Variants in NHLRC2 observed in about 807,000 individuals in gnomAD.
NHLRC2 encodes the protein NHL repeat containing 2, also known as NHL repeat-containing protein 2.
A neutral mutation model predicts 68.1 loss-of-function variants in NHLRC2; 33 were observed. The ratio of observed to expected loss-of-function variants is 0.48; its 90% CI spans 0.37 to 0.65. The LOEUF is 0.65. Among genes scored for constraint, NHLRC2 ranks in the 30% least tolerant of loss-of-function variants. The pLI is 0.00. For synonymous variants in NHLRC2, 311 were observed against 309.6 expected (o/e 1.00, Z -0.05); for missense variants, 761 against 853.8 (o/e 0.89, Z 1.35).
At position 113,898,124 on chromosome 10, in the gene NHLRC2, A is replaced by G; in HGVS notation, c.1054A>G (p.Arg352Gly). ...VFGTSGSEVQ[R>G]GDILWIAMAG... ...TTTTTATAAAGGTTCAGAGGTCCAA[A>G]GAGGTGACATTTTATGGATAGCCAT... The change falls in exon 6 of 11, where the codon AGA becomes GGA. Residue 352 changes from arginine (R) to glycine (G), a missense_variant. Coordinates refer to ENST00000369301, the MANE Select transcript of NHLRC2 (RefSeq NM_198514.4). The G allele has an allele frequency of 6.2e-7, 1 of 1,610,014 alleles. No homozygotes were observed. Among genetic ancestry groups the G allele is most frequent in the Non-Finnish European group, 8.5e-7 (1 of 1,176,504 alleles).
intron 6 of NHLRC2, among the ~76,000 whole-genome samples, chr10:113,899,510 GCTCA>G (rs937760595): frequency 5.4e-4 from 83 of 152,316 alleles, no homozygotes; most frequent in African/African-American, 1.7e-3. Flanking sequence ...GATGAAATAT[GCTCA>G]CTATGTTAAG....
In NHLRC2 at chr10:113,916,332, T is replaced by C. The variant is rs909483122; in HGVS notation, c.*7796T>C. The stretch of plus-strand genomic sequence containing the variant: ...TAGGCCTCCCTCTTACTAAAAACAA[T>C]AGTAGTTTCTGTAGAAGTTTCAGTG... On this transcript the variant is annotated 3_prime_UTR_variant, in exon 11 of 11. Coordinates refer to ENST00000369301, the MANE Select transcript of NHLRC2 (RefSeq NM_198514.4). 4 of 152,138 alleles carry C rather than the reference T, an allele frequency of 2.6e-5. No homozygotes were observed. Among genetic ancestry groups the C allele is most frequent in the Non-Finnish European group, 5.9e-5 (4 of 68,034 alleles). The allele number at this position is 152,138 out of a possible 1,614,324, so 9.4% of individuals were successfully genotyped here. A position where few individuals can be genotyped will look rare whatever the true frequency, so the allele number is the denominator to read the frequency against.
intron 2 of NHLRC2, among the ~76,000 whole-genome samples, chr10:113,864,950 T>C (rs571312951): frequency 6.7e-6 from 1 of 149,948 alleles, no homozygotes; most frequent in Non-Finnish European, 1.5e-5. Context: ...ATCAGAGGTT[T>C]TTTGGTTTTT....
chr10:113,902,631 G>C, intron 8 of NHLRC2, 38 bp downstream of exon 8: 1 of 1,576,302 alleles, frequency 6.3e-7, no homozygotes, highest in Non-Finnish European at 8.6e-7. Flanking sequence ...CTTGCTTTTT[G>C]TGTGTGGCAT....
At chr10:113,858,475 G>T in intron 1 of NHLRC2, 53 bp from the exon 2 acceptor site, 2 of 1,317,802 alleles carry the variant, frequency 1.5e-6, no homozygotes, top group African/African-American at 1.5e-5. Flanking sequence ...AAAGTTTTAG[G>T]TAAATTTTAT....
At chr10:113,865,613 TAGTTTA>T (rs1371385028) in intron 2 of NHLRC2, among the ~76,000 whole-genome samples, 3 of 149,692 alleles carry the variant, frequency 2.0e-5, no homozygotes, top group Admixed American at 6.6e-5. Flanking sequence ...TTTTTTTTTT[TAGTTTA>T]AGTTCTGGGA....
At chr10:113,882,820 T>C (rs1589542219) in intron 4 of NHLRC2, among the ~76,000 whole-genome samples, 4 of 151,922 alleles carry the variant, frequency 2.6e-5, no homozygotes, top group Admixed American at 6.6e-5. Flanking sequence ...CTTTTAGTTA[T>C]GGCTCTTATA....
At chr10:113,866,934 A>G (rs1235416984) in intron 2 of NHLRC2, among the ~76,000 whole-genome samples, 1 of 152,088 alleles carries the variant, frequency 6.6e-6, no homozygotes, top group Non-Finnish European at 1.5e-5. Context: ...CTTTCAGTGG[A>G]GTCAACCCAA....
At chr10:113,860,303 C>A (rs1845803045) in intron 2 of NHLRC2, among the ~76,000 whole-genome samples, 1 of 152,128 alleles carries the variant, frequency 6.6e-6, no homozygotes, top group South Asian at 2.1e-4. Context: ...TAACCCCATA[C>A]CTTAAGCAGA....
intron 1 of NHLRC2, among the ~76,000 whole-genome samples, chr10:113,855,956 C>T (rs1025012037): frequency 1.3e-5 from 2 of 152,154 alleles, no homozygotes; most frequent in Admixed American, 1.3e-4. Context: ...ATGCCCAGGG[C>T]CTCACAGCTG....
At chr10:113,898,548 A>G (rs776889540) in intron 6 of NHLRC2, among the ~76,000 whole-genome samples, 7 of 152,156 alleles carry the variant, frequency 4.6e-5, no homozygotes, top group Non-Finnish European at 7.3e-5. Flanking sequence ...ACTTCTACTT[A>G]CATTTTATCA....
intron 4 of NHLRC2, among the ~76,000 whole-genome samples, chr10:113,881,005 A>T (rs930987436): frequency 6.6e-6 from 1 of 152,034 alleles, no homozygotes; most frequent in Admixed American, 6.5e-5. Flanking sequence ...ATTTGACCAG[A>T]GAGCCCTTTA....
At chr10:113,892,961 T>C (rs1340432511) in intron 5 of NHLRC2, among the ~76,000 whole-genome samples, 1 of 152,174 alleles carries the variant, frequency 6.6e-6, no homozygotes, top group Admixed American at 6.5e-5. Flanking sequence ...TAATATAATA[T>C]ACATGTTTGC....
intron 1 of NHLRC2, among the ~76,000 whole-genome samples, chr10:113,857,307 A>G (rs1296964715): frequency 6.6e-6 from 1 of 152,162 alleles, no homozygotes; most frequent in African/African-American, 2.4e-5. Context: ...GATATGAAAT[A>G]TACATTAATT....
chr10:113,916,854 T>G lies in NHLRC2; in HGVS notation c.*8318T>G, dbSNP rs1846391398. On this transcript the variant is annotated 3_prime_UTR_variant, in exon 11 of 11. Transcript: ENST00000369301. The stretch of plus-strand genomic sequence containing the variant: ...TGCAGCGAAAATCCAATCTACAAGT[T>G]CATATATTGGTATTTCTAGACATAG... The G allele has an allele frequency of 6.6e-6, 1 of 152,230 alleles. No individual in the cohort carries two copies. Among genetic ancestry groups the G allele is most frequent in the Admixed American group, 6.5e-5 (1 of 15,288 alleles). 9.4% of individuals were successfully genotyped at this position (152,230 alleles called of 1,614,324 possible).
intron 10 of NHLRC2, among the ~76,000 whole-genome samples, chr10:113,905,901 G>A (rs1846271296): frequency 6.6e-6 from 1 of 152,116 alleles, no homozygotes; most frequent in Admixed American, 6.5e-5. Flanking sequence ...TGTTTGGGAG[G>A]CTGGTTCTAG....
In NHLRC2 at chr10:113,854,830, T is replaced by C. The variant is rs1441185673; in HGVS notation, c.-43T>C. The C allele has an allele frequency of 1.3e-6, 2 of 1,511,714 alleles. No homozygotes were observed. The highest frequency in any genetic ancestry group is 2.2e-5 in the Admixed American group (1 of 45,392). The allele number at this position is 1,511,714 out of a possible 1,614,324, so 93.6% of individuals were successfully genotyped here. A position where few individuals can be genotyped will look rare whatever the true frequency, so the allele number is the denominator to read the frequency against. On this transcript the variant is annotated 5_prime_UTR_variant, in exon 1 of 11. Coordinates refer to ENST00000369301, the MANE Select transcript of NHLRC2 (RefSeq NM_198514.4). ...AACGTTTCGTCTCTCCCAGCGAGAC[T>C]CTCCCGCGGGCCCGGCGGCCGCATC...
intron 2 of NHLRC2, among the ~76,000 whole-genome samples, chr10:113,873,705 G>A (rs1845951144): frequency 6.6e-6 from 1 of 152,186 alleles, no homozygotes; most frequent in Admixed American, 6.5e-5. Context: ...GAGAACAAGG[G>A]CAAACCAGAA....
At position 113,876,936 on chromosome 10, in the gene NHLRC2, G is replaced by A; in HGVS notation, c.747G>A (p.Leu249=). Residue 249 remains leucine (L), a synonymous_variant, in exon 3 of 11, where the codon TTG becomes TTA. Coordinates refer to ENST00000369301, the MANE Select transcript of NHLRC2 (RefSeq NM_198514.4). ...CAGACACTGGACATCATAGAATTTT[G>A]GTCGTTTGGAAGAATGGACAAATTC... ...VIADTGHHRI[L]VVWKNGQIQY... The A allele has an allele frequency of 6.2e-7, 1 of 1,602,886 alleles. No individual in the cohort carries two copies. The highest frequency in any genetic ancestry group is 8.5e-7 in the Non-Finnish European group (1 of 1,176,638).
Sources: gnomAD v4.1 joint callset for allele counts (sites outside exome capture counted in the v4.1 genomes callset) on GRCh38, gnomAD v4.1.1 for gene constraint, MANE v1.5 for transcripts, NCBI Gene and HGNC (gene_info 2026-07-23, HGNC 2026-07-21) for gene names.